Variants in GPLD1 observed in about 807,000 individuals in gnomAD.
GPLD1 encodes phosphatidylinositol-glycan-specific phospholipase D.
GPLD1 carries 84 observed loss-of-function variants against 112.6 expected under a neutral mutation model. The observed-to-expected ratio is 0.75, with a 90% CI of 0.63 to 0.89. The LOEUF (loss-of-function observed/expected upper bound fraction) is 0.89. Ranked by LOEUF, GPLD1 falls within the 40% of genes least tolerant of loss-of-function variation. GPLD1 has a pLI of 0.00. For missense variants in GPLD1, 1,044 were observed against 1,051.5 expected (o/e 0.99, Z 0.10); for synonymous variants, 386 against 403.8 (o/e 0.96, Z 0.53).
At chr6:24,487,207 G>A (rs909208860) in intron 1 of GPLD1, among the ~76,000 whole-genome samples, 2 of 152,120 alleles carry the variant, frequency 1.3e-5, no homozygotes, top group African/African-American at 4.8e-5. Flanking sequence ...AGTGATTTAC[G>A]CTGAATGAAG....
Position 24,427,457 on chromosome 6 carries a change from TACA to T in GPLD1, c.*1572_*1574del, listed in dbSNP as rs2127304335. ...CTTTAGGTGTTAGAACAGCCAACTC[TACA>T]AAAGTATTGGAGGGCACAGAAGGGT... is the stretch of plus-strand genomic sequence containing the variant. On this transcript the variant is annotated 3_prime_UTR_variant, in exon 25 of 25. Transcript: ENST00000230036. Among the ~76,000 whole-genome samples the T allele has an allele frequency of 6.6e-6, 1 of 152,348 alleles. No individual in the cohort carries two copies. Among genetic ancestry groups the T allele is most frequent in the African/African-American group, 2.4e-5 (1 of 41,588 alleles).
In GPLD1 at chr6:24,495,050, G is replaced by T. The variant is rs1254730579; in HGVS notation, n.156C>A. ...GTGGGGCCCGGCGCCTCGGGTCGAC[G>T]TTTCCAGGCTGCCGCCTCCGCCCCC... On this transcript the variant is annotated non_coding_transcript_exon_variant, in exon 1 of 11. Transcript: ENST00000474784. 1 of 1,355,168 alleles carries T rather than the reference G, an allele frequency of 7.4e-7. No individual in the cohort carries two copies. The highest frequency in any genetic ancestry group is 2.1e-5 in the South Asian group (1 of 47,150). 83.9% of individuals were successfully genotyped at this position (1,355,168 alleles called of 1,614,324 possible). A position where few individuals can be genotyped will look rare whatever the true frequency, so the allele number is the denominator to read the frequency against.
chr6:24,438,278 G>T (rs1168074401), intron 20 of GPLD1, among the ~76,000 whole-genome samples: 1 of 152,206 alleles, frequency 6.6e-6, no homozygotes, highest in Non-Finnish European at 1.5e-5. Flanking sequence ...TTGAATTAAT[G>T]AATTTTGAAC....
chr6:24,478,128 T>C (rs1764083212), intron 3 of GPLD1, among the ~76,000 whole-genome samples: 1 of 152,190 alleles, frequency 6.6e-6, no homozygotes. Flanking sequence ...GTTGCTCAAA[T>C]TGAATGGACA....
At chr6:24,447,053 T>C (rs1762933456) in intron 17 of GPLD1, 74 bp from the exon 18 acceptor site, 1 of 1,367,588 alleles carries the variant, frequency 7.3e-7, no homozygotes, top group Admixed American at 2.0e-5. Flanking sequence ...AAAGGGTCCT[T>C]CTCGTAGCCT....
chr6:24,493,571 G>A (rs928461039), upstream of GPLD1, among the ~76,000 whole-genome samples: 3 of 152,062 alleles, frequency 2.0e-5, no homozygotes, highest in Admixed American at 6.6e-5. Flanking sequence ...ATGTAAACAC[G>A]CCAGCTCCCC....
At position 24,495,201 on chromosome 6, in the gene GPLD1, T is replaced by C. The variant is rs1333816263; in HGVS notation, n.5A>G. 6.6e-7 allele frequency: 1 copy of C among 1,506,022 alleles called. No homozygotes were observed. The allele number at this position is 1,506,022 out of a possible 1,614,324, so 93.3% of individuals were successfully genotyped here. A position where few individuals can be genotyped will look rare whatever the true frequency, so the allele number is the denominator to read the frequency against. ...CACCGACAGCTTCGTGGGCGGCCGCTGGCTCCCGGCCGCCGCCACCTTCCC... is the reference window on the plus strand; with the variant it reads ...CACCGACAGCTTCGTGGGCGGCCGCCGGCTCCCGGCCGCCGCCACCTTCCC... On this transcript the variant is annotated non_coding_transcript_exon_variant, in exon 1 of 11. Transcript: ENST00000474784.
chr6:24,483,028 G>C (rs549100561), intron 2 of GPLD1, among the ~76,000 whole-genome samples: 1 of 152,130 alleles, frequency 6.6e-6, no homozygotes, highest in African/African-American at 2.4e-5. Context: ...CAATGAAACA[G>C]AATAAAGAAT....
chr6:24,475,016 C>A, intron 5 of GPLD1, 105 bp downstream of exon 5: 2 of 662,802 alleles, frequency 3.0e-6, no homozygotes, highest in African/African-American at 1.8e-5. Flanking sequence ...GGGCAGAAGT[C>A]TGAATAACCT....
intron 1 of GPLD1, 52 bp from the exon 2 acceptor site, chr6:24,486,182 T>C: frequency 2.9e-6 from 3 of 1,029,948 alleles, no homozygotes; most frequent in Non-Finnish European, 4.5e-6. Context: ...ACTGAAAACA[T>C]AACTTAGGCG....
chr6:24,442,762 G>C (rs979815211), intron 20 of GPLD1, among the ~76,000 whole-genome samples: 1 of 151,334 alleles, frequency 6.6e-6, no homozygotes, highest in Non-Finnish European at 1.5e-5. Flanking sequence ...AAAATTTTTT[G>C]TAGAGACAGG....
At chr6:24,464,000 G>A (rs914339983) in intron 10 of GPLD1, among the ~76,000 whole-genome samples, 2 of 152,170 alleles carry the variant, frequency 1.3e-5, no homozygotes, top group Non-Finnish European at 2.9e-5. Flanking sequence ...ATAAGGTCCA[G>A]CTATCTTTCC....
intron 3 of GPLD1, among the ~76,000 whole-genome samples, chr6:24,478,978 A>G (rs1368905190): frequency 6.6e-6 from 1 of 152,184 alleles, no homozygotes; most frequent in African/African-American, 2.4e-5. Flanking sequence ...CATCTTGGAC[A>G]AGAACTGCCA....
At chr6:24,463,997 C>T (rs113168465) in intron 10 of GPLD1, among the ~76,000 whole-genome samples, 32 of 152,152 alleles carry the variant, frequency 2.1e-4, no homozygotes, top group African/African-American at 7.7e-4. Flanking sequence ...AGAATAAGGT[C>T]CAGCTATCTT....
At chr6:24,471,572 G>A (rs570166759) in intron 7 of GPLD1, among the ~76,000 whole-genome samples, 3 of 152,268 alleles carry the variant, frequency 2.0e-5, no homozygotes, top group African/African-American at 7.2e-5. Context: ...ATTATCTCCA[G>A]AGGAAAAAAT....
chr6:24,457,341 T>C (rs936576560), intron 12 of GPLD1, among the ~76,000 whole-genome samples: 6 of 151,228 alleles, frequency 4.0e-5, no homozygotes, highest in African/African-American at 9.7e-5. Flanking sequence ...ATTAGCCGAG[T>C]GTGGTGGAGC....
At chr6:24,477,699 C>T (rs535581860) in intron 3 of GPLD1, among the ~76,000 whole-genome samples, 11 of 152,034 alleles carry the variant, frequency 7.2e-5, no homozygotes, top group Non-Finnish European at 1.3e-4. Flanking sequence ...CACTGCACCC[C>T]AGCCTGGGCA....
rs1762604518 is a variant in GPLD1, at chr6:24,437,156, A to G, written c.2154T>C (p.Phe718=). 1 of 1,614,116 alleles carries G rather than the reference A, an allele frequency of 6.2e-7. No individual in the cohort carries two copies. Among genetic ancestry groups the G allele is most frequent in the Non-Finnish European group, 8.5e-7 (1 of 1,180,028 alleles). The change falls in exon 21 of 25, where the codon TTT becomes TTC. Residue 718 remains phenylalanine, a synonymous_variant. Transcript: ENST00000230036. ...TFSGDRRFSR[F]GGVLHLSDLD... ...GGTCACTCAAGTGCAGAACGCCACC[A>G]AATCGGGAGAAGCGGCGGTCTCCGC... is the stretch of plus-strand genomic sequence containing the variant.
chr6:24,470,684 C>T (rs761102015), intron 7 of GPLD1, among the ~76,000 whole-genome samples: 4 of 152,082 alleles, frequency 2.6e-5, no homozygotes, highest in African/African-American at 9.7e-5. Flanking sequence ...CTGAAACCTC[C>T]GCCTCCCAGG....
Sources: allele counts gnomAD v4.1 joint callset (sites outside exome capture counted in the v4.1 genomes callset), GRCh38; gene constraint gnomAD v4.1.1; transcripts MANE v1.5; gene names NCBI Gene and HGNC (gene_info 2026-07-23, HGNC 2026-07-21).